The following SLC26A2 variants were observed in gnomAD, a reference collection of about 807,000 sequenced individuals.
SLC26A2 encodes sulfate transporter.
In SLC26A2, 36 loss-of-function variants were observed where a neutral mutation model predicts 41.1. That is an observed-to-expected ratio of 0.88 (90% CI 0.67 to 1.16). SLC26A2 has a LOEUF of 1.16. Ranked by LOEUF, SLC26A2 falls within the 50% of genes most tolerant of loss-of-function variation. The pLI is 0.00. For missense variants in SLC26A2, 796 were observed against 869.6 expected (o/e 0.92, Z 1.07); for synonymous variants, 291 against 311.6 (o/e 0.93, Z 0.70).
intron 1 of SLC26A2, among the ~76,000 whole-genome samples, chr5:149,969,667 G>A (rs909637795): frequency 6.6e-6 from 1 of 152,182 alleles, no homozygotes; most frequent in Non-Finnish European, 1.5e-5. Context: ...GGTAACTGTA[G>A]CTTAGAGGAT....
In SLC26A2 at chr5:149,980,936, C is replaced by T; in HGVS notation, c.1343C>T (p.Ser448Leu). 3 of 1,614,144 alleles carry T rather than the reference C, an allele frequency of 1.9e-6. No individual in the cohort carries two copies. The Admixed American group carries it at 5.0e-5, about 27-fold the overall frequency. ...CTTGCAAAGACATTGGTTAAAGAAT[C>T]AACAGGCTGCCATACTCAGCTTTCT... ...AALAKTLVKE[S>L]TGCHTQLSGV... The change falls in exon 3 of 3, where the codon TCA becomes TTA. Residue 448 changes from serine to leucine, a missense_variant. Physicochemically the swap from Ser to Leu is moderately radical, Grantham distance 145. Coordinates refer to ENST00000286298, the MANE Select transcript of SLC26A2 (RefSeq NM_000112.4).
chr5:149,980,196 T>C, intron 2 of SLC26A2, 97 bp from the exon 3 acceptor site: 1 of 914,328 alleles, frequency 1.1e-6, no homozygotes. Flanking sequence ...TCTGTGATGC[T>C]CTGATGATAT....
At chr5:149,972,377 G>T (rs1055138191) in intron 1 of SLC26A2, among the ~76,000 whole-genome samples, 2 of 152,178 alleles carry the variant, frequency 1.3e-5, no homozygotes, top group Admixed American at 1.3e-4. Flanking sequence ...AAGGACCATG[G>T]CCATGAATGT....
Position 149,961,282 on chromosome 5 carries a change from C to A in SLC26A2, c.-26+303C>A, listed in dbSNP as rs546065032. ...CCACGCACTCCGCTGCTTTTCCAGT[C>A]CTCGTTGATCCGTCTCGAACCTAGA... On this transcript the variant is annotated intron_variant, in intron 1 of 2. Transcript: ENST00000286298. Among the ~76,000 whole-genome samples the A allele has an allele frequency of 2.6e-5, 4 of 152,210 alleles. No individual in the cohort carries two copies. The East Asian group carries it at 7.7e-4, about 29-fold the overall frequency.
intron 1 of SLC26A2, among the ~76,000 whole-genome samples, chr5:149,962,831 A>G (rs1345063471): frequency 1.3e-5 from 2 of 152,180 alleles, no homozygotes; most frequent in Non-Finnish European, 2.9e-5. Flanking sequence ...TCCTTATCAT[A>G]TAGCTGTTAA....
At chr5:149,962,707 C>T (rs1754734994) in intron 1 of SLC26A2, among the ~76,000 whole-genome samples, 1 of 152,112 alleles carries the variant, frequency 6.6e-6, no homozygotes, top group South Asian at 2.1e-4. Context: ...GAATGTAAAC[C>T]CCCAGGCAGA....
At chr5:149,973,306 CA>C (rs1368692243) in intron 1 of SLC26A2, among the ~76,000 whole-genome samples, 1 of 152,090 alleles carries the variant, frequency 6.6e-6, no homozygotes, top group Non-Finnish European at 1.5e-5. Context: ...TCTTTTAGAG[CA>C]ATTAAACATT....
chr5:149,980,106 G>C (rs996502950), intron 2 of SLC26A2, among the ~76,000 whole-genome samples, 187 bp from the exon 3 acceptor site: 22 of 152,276 alleles, frequency 1.4e-4, no homozygotes, highest in African/African-American at 5.1e-4. Flanking sequence ...TGGGCAAGTT[G>C]CTTAGCCCTT....
At chr5:149,971,677 G>A (rs929823549) in intron 1 of SLC26A2, among the ~76,000 whole-genome samples, 1 of 152,196 alleles carries the variant, frequency 6.6e-6, no homozygotes, top group African/African-American at 2.4e-5. Context: ...CGGGATTACA[G>A]GTGTGAGCCA....
chr5:149,966,334 T>G (rs1754804755), intron 1 of SLC26A2, among the ~76,000 whole-genome samples: 1 of 152,232 alleles, frequency 6.6e-6, no homozygotes, highest in Non-Finnish European at 1.5e-5. Context: ...GTCTCATGGT[T>G]GGGACAGAGG....
chr5:149,974,613 C>T (rs535452922), intron 1 of SLC26A2, among the ~76,000 whole-genome samples: 6 of 150,906 alleles, frequency 4.0e-5, no homozygotes, highest in South Asian at 2.1e-4. Flanking sequence ...TTAGAAGAGA[C>T]GGGGTTTCAC....
At chr5:149,973,346 A>G (rs761597464) in intron 1 of SLC26A2, among the ~76,000 whole-genome samples, 3 of 152,162 alleles carry the variant, frequency 2.0e-5, no homozygotes, top group Non-Finnish European at 4.4e-5. Context: ...ATTTTACTTT[A>G]TCTTCATTTG....
rs1443550023 is a variant in SLC26A2 at position 149,977,736 on chromosome 5, T to G, written c.84T>G (p.His28Gln). 1 of 1,613,654 alleles carries G rather than the reference T, an allele frequency of 6.2e-7. No individual in the cohort carries two copies. The highest frequency in any genetic ancestry group is 1.7e-5 in the Admixed American group (1 of 60,020). ...EGNDSYPSGIHLELQRESSTD... is the reference protein window; with the variant it reads ...EGNDSYPSGIQLELQRESSTD... ...ATGACAGTTATCCATCTGGGATCCA[T>G]CTGGAACTTCAAAGGGAATCAAGTA... Residue 28 changes from histidine to glutamine, a missense_variant, in exon 2 of 3, where the codon CAT becomes CAG. Coordinates refer to ENST00000286298, the MANE Select transcript of SLC26A2 (RefSeq NM_000112.4).
chr5:149,967,982 T>A (rs982437614), intron 1 of SLC26A2, among the ~76,000 whole-genome samples: 1 of 152,090 alleles, frequency 6.6e-6, no homozygotes, highest in Non-Finnish European at 1.5e-5. Flanking sequence ...GTGTCCTTTT[T>A]TTTTTTTTAG....
At chr5:149,978,445 A>AGTT in intron 2 of SLC26A2, 94 bp downstream of exon 2, 1 of 1,083,290 alleles carries the variant, frequency 9.2e-7, no homozygotes, top group South Asian at 1.3e-5. Flanking sequence ...CACAATAATT[A>AGTT]AAGGTATCAT....
chr5:149,982,048 T>C lies in SLC26A2; in HGVS notation c.*235T>C, dbSNP rs1307247516. On this transcript the variant is annotated 3_prime_UTR_variant, in exon 3 of 3. Coordinates refer to ENST00000286298, the MANE Select transcript of SLC26A2 (RefSeq NM_000112.4). ...CAGGCTTTCTTGCAGATATGAAGTATTCTTGGAATGCAATAAGTATGTATT... is the reference window on the plus strand; with the variant it reads ...CAGGCTTTCTTGCAGATATGAAGTACTCTTGGAATGCAATAAGTATGTATT... The C allele has an allele frequency of 3.7e-6, 2 of 536,540 alleles. No homozygotes were observed. Among genetic ancestry groups the C allele is most frequent in the Non-Finnish European group, 6.6e-6 (2 of 302,924 alleles). 33.2% of individuals were successfully genotyped at this position (536,540 alleles called of 1,614,324 possible). A position where few individuals can be genotyped will look rare whatever the true frequency, so the allele number is the denominator to read the frequency against.
In SLC26A2 at chr5:149,983,261, C is replaced by A. The variant is rs1394306814; in HGVS notation, c.*1448C>A. 6.6e-6 allele frequency: 1 copy of A among 152,006 alleles called. No homozygotes were observed. Among genetic ancestry groups the A allele is most frequent in the African/African-American group, 2.4e-5 (1 of 41,422 alleles). 9.4% of individuals were successfully genotyped at this position (152,006 alleles called of 1,614,324 possible). A position where few individuals can be genotyped will look rare whatever the true frequency, so the allele number is the denominator to read the frequency against. Reference sequence around the variant, plus strand: ...ATATGTAACTTAGCTTTATTGTTAGCTCCATAAGCTGCCAGTGTTGCTTTT... The same window carrying A: ...ATATGTAACTTAGCTTTATTGTTAGATCCATAAGCTGCCAGTGTTGCTTTT... On this transcript the variant is annotated 3_prime_UTR_variant, in exon 3 of 3. Transcript: ENST00000286298.
intron 1 of SLC26A2, among the ~76,000 whole-genome samples, chr5:149,963,310 C>T (rs1203056969): frequency 6.0e-5 from 9 of 149,712 alleles, no homozygotes; most frequent in African/African-American, 2.0e-4. Context: ...GACAGAGTCT[C>T]ACTTTGTCTC....
chr5:149,963,578 A>G lies in SLC26A2; in HGVS notation c.-26+2599A>G, dbSNP rs111303535. On this transcript the variant is annotated intron_variant, in intron 1 of 2. Coordinates refer to ENST00000286298, the MANE Select transcript of SLC26A2 (RefSeq NM_000112.4). ...AAGCGTGAGCCACCGCGCCTGGCCT[A>G]ATTTTTTGTATTTTTTAGTAGAGAG... Among the ~76,000 whole-genome samples, 114 of 150,750 alleles carry G rather than the reference A, an allele frequency of 7.6e-4. 1 individual carries two copies. The highest frequency in any genetic ancestry group is 2.6e-3 in the African/African-American group (108 of 40,988).
Sources: gnomAD v4.1 joint callset for allele counts (sites outside exome capture counted in the v4.1 genomes callset) on GRCh38, gnomAD v4.1.1 for gene constraint, MANE v1.5 for transcripts, NCBI Gene and HGNC (gene_info 2026-07-23, HGNC 2026-07-21) for gene names.